Variants in ADGRL2 observed in about 807,000 individuals in gnomAD.
ADGRL2 encodes calcium-independent alpha-latrotoxin receptor 2.
Under a neutral mutation model 157.4 loss-of-function variants are expected in ADGRL2, and 44 were observed. The observed-to-expected ratio is 0.28, with a 90% confidence interval of 0.22 to 0.36. ADGRL2 has a LOEUF of 0.36. ADGRL2 is among the 10% of genes least tolerant of loss of function. The pLI is 1.00. For synonymous variants in ADGRL2, 585 were observed against 624.7 expected (o/e 0.94, Z 0.95); for missense variants, 1,510 against 1,768.9 (o/e 0.85, Z 2.63).
chr1:81,867,976 G>T (rs2093590649), intron 2 of ADGRL2, among the ~76,000 whole-genome samples: 1 of 151,740 alleles, frequency 6.6e-6, no homozygotes, highest in South Asian at 2.1e-4. Flanking sequence ...AGATAAATAT[G>T]TAGGCCAATA....
rs150191553 is a variant in ADGRL2 at position 81,348,529 on chromosome 1, T to G, written c.-302+42020T>G. Among the ~76,000 whole-genome samples, 90 of 152,262 alleles carry G rather than the reference T, an allele frequency of 5.9e-4. No homozygotes were observed. The Middle Eastern group carries it at 0.01, about 17-fold the overall frequency. ...TTTATTAAACGCTTCAGAGGATTTC[T>G]CTGAACTTGGCTAAAAGTAAACATG... On this transcript the variant is annotated intron_variant, in intron 1 of 24. Transcript: ENST00000370721.
At chr1:81,874,740 C>T (rs1378128401) in intron 2 of ADGRL2, among the ~76,000 whole-genome samples, 1 of 151,730 alleles carries the variant, frequency 6.6e-6, no homozygotes, top group Non-Finnish European at 1.5e-5. Context: ...GAGTCTTGCT[C>T]TGTACCCCAG....
chr1:81,785,506 T>C (rs768974295), intron 2 of ADGRL2, among the ~76,000 whole-genome samples: 1 of 152,020 alleles, frequency 6.6e-6, no homozygotes, highest in Non-Finnish European at 1.5e-5. Context: ...AGTGGGAGGA[T>C]TGCTCAAACC....
At chr1:81,857,128 T>C (rs1430399745) in intron 2 of ADGRL2, among the ~76,000 whole-genome samples, 1 of 152,190 alleles carries the variant, frequency 6.6e-6, no homozygotes, top group Non-Finnish European at 1.5e-5. Flanking sequence ...TTTTGTTACA[T>C]TTTAGCCAAG....
At chr1:81,474,099 T>C (rs1431571267) in intron 2 of ADGRL2, among the ~76,000 whole-genome samples, 1 of 152,220 alleles carries the variant, frequency 6.6e-6, no homozygotes, top group Non-Finnish European at 1.5e-5. Context: ...TAGGCAAGCT[T>C]GAGCTGGAAA....
At chr1:81,378,387 C>CA (rs944718854) in intron 1 of ADGRL2, among the ~76,000 whole-genome samples, 28 of 151,488 alleles carry the variant, frequency 1.8e-4, no homozygotes, top group African/African-American at 6.8e-4. Flanking sequence ...CGTATCTCTA[C>CA]AAAAAATTAA....
chr1:81,839,559 A>T (rs1288718937), intron 2 of ADGRL2, among the ~76,000 whole-genome samples: 2 of 151,638 alleles, frequency 1.3e-5, no homozygotes, highest in African/African-American at 4.8e-5. Flanking sequence ...AGTCCCCAGA[A>T]TCCATTGTGT....
intron 2 of ADGRL2, among the ~76,000 whole-genome samples, chr1:81,863,853 C>T (rs1456137680): frequency 6.6e-6 from 1 of 152,012 alleles, no homozygotes; most frequent in Non-Finnish European, 1.5e-5. Context: ...TTTACAACAC[C>T]CTAGATAGAC....
At chr1:81,844,381 A>G (rs1036596151) in intron 2 of ADGRL2, among the ~76,000 whole-genome samples, 1 of 152,142 alleles carries the variant, frequency 6.6e-6, no homozygotes, top group Non-Finnish European at 1.5e-5. Context: ...CATTTTTTGA[A>G]TTAATACACT....
At chr1:81,698,163 G>A (rs1169015403), upstream of ADGRL2, among the ~76,000 whole-genome samples, 1 of 152,164 alleles carries the variant, frequency 6.6e-6, no homozygotes, top group African/African-American at 2.4e-5. Context: ...ATCCTCAGAA[G>A]CTTTAGAAAA....
At chr1:81,794,209 T>C (rs1161092070) in intron 2 of ADGRL2, among the ~76,000 whole-genome samples, 1 of 152,172 alleles carries the variant, frequency 6.6e-6, no homozygotes, top group East Asian at 1.9e-4. Context: ...ATTAAAAATA[T>C]ATAGTTTGAA....
At chr1:81,495,963 T>G (rs1210527817) in intron 2 of ADGRL2, among the ~76,000 whole-genome samples, 1 of 152,158 alleles carries the variant, frequency 6.6e-6, no homozygotes, top group East Asian at 1.9e-4. Flanking sequence ...GACAGAAGAA[T>G]TCCCTTTCAT....
At chr1:81,480,309 T>TA (rs5775622) in intron 2 of ADGRL2, among the ~76,000 whole-genome samples, 22,029 of 152,138 alleles carry the variant, frequency 0.14, 1,663 homozygotes, top group Admixed American at 0.18. Context: ...CTAGATAAGG[T>TA]AAAAAGTCAA....
intron 3 of ADGRL2, among the ~76,000 whole-genome samples, chr1:81,630,714 C>T (rs1216625986): frequency 1.3e-5 from 2 of 151,874 alleles, no homozygotes; most frequent in East Asian, 3.9e-4. Flanking sequence ...TTAAATATAC[C>T]AATATTTTTC....
intron 1 of ADGRL2, among the ~76,000 whole-genome samples, chr1:81,371,740 A>AAAATTATGCACTTC (rs1553158380): frequency 1.3e-5 from 2 of 152,192 alleles, no homozygotes; most frequent in Middle Eastern, 3.2e-3. Flanking sequence ...TTGAACAAGA[A>AAAATTATGCACTTC]AAATTATGCA....
At chr1:81,807,907 TA>T (rs1228369158) in intron 1 of ADGRL2, among the ~76,000 whole-genome samples, 3 of 151,864 alleles carry the variant, frequency 2.0e-5, no homozygotes, top group East Asian at 1.9e-4. Context: ...AATTTGTAGA[TA>T]TTTTTTGATA....
At chr1:81,814,084 AT>A (rs2090145159) in intron 1 of ADGRL2, among the ~76,000 whole-genome samples, 1 of 151,730 alleles carries the variant, frequency 6.6e-6, no homozygotes, top group Admixed American at 6.6e-5. Flanking sequence ...TATTATTGGT[AT>A]TTTATTAGGG....
intron 18 of ADGRL2, among the ~76,000 whole-genome samples, chr1:81,981,379 G>A (rs181590706): frequency 6.6e-6 from 1 of 151,916 alleles, no homozygotes; most frequent in Admixed American, 6.6e-5. Context: ...TGAAGTTTAG[G>A]TGTTAAGTGA....
chr1:81,910,056 A>G (rs2148378879), intron 3 of ADGRL2, among the ~76,000 whole-genome samples: 1 of 152,022 alleles, frequency 6.6e-6, no homozygotes, highest in East Asian at 1.9e-4. Flanking sequence ...CCTGGCCAAC[A>G]TGGTGAAACC....
Sources: allele counts gnomAD v4.1 joint callset (sites outside exome capture counted in the v4.1 genomes callset), GRCh38; gene constraint gnomAD v4.1.1; transcripts MANE v1.5; gene names NCBI Gene and HGNC (gene_info 2026-07-23, HGNC 2026-07-21).